Variants in OPCML observed in about 807,000 individuals in gnomAD.
OPCML encodes opioid binding protein/cell adhesion molecule like.
Under a neutral mutation model 37.8 loss-of-function variants are expected in OPCML, and 13 were observed. The ratio of observed to expected loss-of-function variants is 0.34; its 90% CI spans 0.22 to 0.55. OPCML has a LOEUF of 0.55. Among genes scored for constraint, OPCML ranks in the 20% least tolerant of loss-of-function variants. The probability of loss-of-function intolerance (pLI) is 0.91; values close to 1 mark genes in which losing one functional copy is unlikely to be tolerated. For synonymous variants in OPCML, 176 were observed against 168.8 expected (o/e 1.04, Z -0.33); for missense variants, 341 against 435.6 (o/e 0.78, Z 1.93).
intron 4 of OPCML, among the ~76,000 whole-genome samples, chr11:132,454,404 C>T (rs1230892048): frequency 6.6e-5 from 10 of 152,160 alleles, no homozygotes; most frequent in African/African-American, 2.4e-4. Context: ...GACCGATGCT[C>T]AGTGAGCCAG....
intron 1 of OPCML, among the ~76,000 whole-genome samples, chr11:132,951,323 G>T (rs568924830): frequency 6.6e-6 from 1 of 152,180 alleles, no homozygotes; most frequent in African/African-American, 2.4e-5. Context: ...GGGTGCCAGC[G>T]TGAACATGCT....
intron 2 of OPCML, among the ~76,000 whole-genome samples, chr11:132,759,005 C>G (rs1358812821): frequency 1.3e-5 from 2 of 152,104 alleles, no homozygotes; most frequent in Non-Finnish European, 2.9e-5. Flanking sequence ...GTGTTTTTAG[C>G]ATGAAAGGGG....
chr11:132,963,743 G>A (rs191005804), intron 1 of OPCML, among the ~76,000 whole-genome samples: 33 of 145,090 alleles, frequency 2.3e-4, no homozygotes, highest in African/African-American at 6.6e-4. Flanking sequence ...CTTCCTATCC[G>A]TATTACGATA....
At chr11:132,733,072 C>A (rs1945132772) in intron 2 of OPCML, among the ~76,000 whole-genome samples, 1 of 152,126 alleles carries the variant, frequency 6.6e-6, no homozygotes, top group South Asian at 2.1e-4. Context: ...CACATTATCT[C>A]AATGATATGT....
Position 132,416,001 on chromosome 11 carries a change from A to G in OPCML, c.*4192T>C, listed in dbSNP as rs2095937307. On this transcript the variant is annotated 3_prime_UTR_variant, in exon 8 of 8. Transcript: ENST00000524381. ...GCTCAAACTTATTTGTCTTCAAGTA[A>G]AAAGACAGGGAAGCTCTGAATAATA... is the stretch of plus-strand genomic sequence containing the variant. 1 of 152,620 alleles carries G rather than the reference A, an allele frequency of 6.6e-6. No homozygotes were observed. The highest frequency in any genetic ancestry group is 1.5e-5 in the Non-Finnish European group (1 of 68,040). The allele number at this position is 152,620 out of a possible 1,614,324, so 9.5% of individuals were successfully genotyped here.
In OPCML at chr11:132,452,497, ACTTCCTTCCTTCCTTC is replaced by A. The variant is rs575180796; in HGVS notation, c.506-15154_506-15139del. Among the ~76,000 whole-genome samples, 6 of 96,826 alleles carry A rather than the reference ACTTCCTTCCTTCCTTC, an allele frequency of 6.2e-5. No individual in the cohort carries two copies. In the East Asian group the frequency reaches 1.4e-3, roughly 22 times the overall value. The allele number at this position is 96,826 out of a possible 152,430, so 63.5% of individuals were successfully genotyped here. ...CCTGCCCTCCCTCCCTCCCTTCCTC[ACTTCCTTCCTTCCTTC>A]CTTCCTTCCTTCTTTCAGCCTGCCT... is the stretch of plus-strand genomic sequence containing the variant. On this transcript the variant is annotated intron_variant, in intron 4 of 7. Transcript: ENST00000524381.
intron 1 of OPCML, among the ~76,000 whole-genome samples, chr11:133,458,709 GCA>G (rs1377090722): frequency 4.5e-5 from 5 of 110,760 alleles, no homozygotes; most frequent in Non-Finnish European, 7.3e-5. Context: ...ACACATAGAT[GCA>G]CGTGTGTGTA....
intron 3 of OPCML, among the ~76,000 whole-genome samples, chr11:132,575,922 G>C (rs992161867): frequency 1.3e-5 from 2 of 151,978 alleles, no homozygotes; most frequent in African/African-American, 2.4e-5. Flanking sequence ...TAGTAATCTT[G>C]ATTGGTAGTT....
chr11:133,354,849 A>G (rs1048922039), intron 1 of OPCML, among the ~76,000 whole-genome samples: 1 of 152,246 alleles, frequency 6.6e-6, no homozygotes, highest in African/African-American at 2.4e-5. Context: ...AATAAAAATG[A>G]CATTACATGC....
intron 1 of OPCML, among the ~76,000 whole-genome samples, chr11:133,362,708 G>C (rs552351081): frequency 1.3e-5 from 2 of 152,172 alleles, no homozygotes; most frequent in Admixed American, 1.3e-4. Context: ...CCTTAGGCTG[G>C]GAATCCAGAA....
rs1382418947 is a variant in OPCML at position 133,208,306 on chromosome 11, C to G, written c.62-265296G>C. Among the ~76,000 whole-genome samples, 1 of 152,126 alleles carries G rather than the reference C, an allele frequency of 6.6e-6. No homozygotes were observed. The highest frequency in any genetic ancestry group is 1.5e-5 in the Non-Finnish European group (1 of 68,022). On this transcript the variant is annotated intron_variant, in intron 1 of 7. Transcript: ENST00000524381. This position sits in a 1 kb window ranked among gnomAD's most constrained non-coding sequence, Gnocchi z 8.9. ...TACCAGTGAGTGAATGAATGCGGGA[C>G]AGAAGCCTACACTACCGTGTGTTCT... is the stretch of plus-strand genomic sequence containing the variant.
chr11:133,353,917 A>G (rs1292129384), intron 1 of OPCML, among the ~76,000 whole-genome samples: 1 of 152,168 alleles, frequency 6.6e-6, no homozygotes, highest in Non-Finnish European at 1.5e-5. Context: ...AAAAGAAAAA[A>G]TATATATCCC....
At chr11:132,576,359 A>G (rs1297173312) in intron 3 of OPCML, among the ~76,000 whole-genome samples, 1 of 150,024 alleles carries the variant, frequency 6.7e-6, no homozygotes, top group African/African-American at 2.4e-5. Context: ...AGTCATTTCC[A>G]ATGACTTGTC....
intron 1 of OPCML, among the ~76,000 whole-genome samples, chr11:133,111,529 T>C (rs1028418004): frequency 6.6e-6 from 1 of 152,182 alleles, no homozygotes; most frequent in African/African-American, 2.4e-5. Flanking sequence ...GTTCTATTGG[T>C]TTCAACAGCT....
At chr11:132,803,574 C>A (rs1485654290) in intron 2 of OPCML, among the ~76,000 whole-genome samples, 1 of 152,118 alleles carries the variant, frequency 6.6e-6, no homozygotes, top group Non-Finnish European at 1.5e-5. Context: ...GCCTAAAGCC[C>A]AAACTCACTA....
chr11:133,346,626 C>A lies in OPCML; in HGVS notation c.61+185638G>T, dbSNP rs138506122. ...ATAGCCAGCATAGATTAGACAGGCA[C>A]TTGAAGCATATCCATTTTCAAGTAA... is the stretch of plus-strand genomic sequence containing the variant. On this transcript the variant is annotated intron_variant, in intron 1 of 7. Transcript: ENST00000524381. 9.0e-4 allele frequency among the ~76,000 whole-genome samples: 137 copies of A among 152,282 alleles called. 1 individual carries two copies. The highest frequency in any genetic ancestry group is 3.0e-3 in the African/African-American group (123 of 41,556).
At chr11:132,938,202 T>A (rs536276016) in intron 2 of OPCML, among the ~76,000 whole-genome samples, 3 of 152,094 alleles carry the variant, frequency 2.0e-5, no homozygotes, top group East Asian at 3.9e-4. Flanking sequence ...ATCTTTAGTA[T>A]CCACCACAGT....
chr11:132,915,437 T>C (rs1310770494), intron 2 of OPCML, among the ~76,000 whole-genome samples: 1 of 152,232 alleles, frequency 6.6e-6, no homozygotes, highest in Non-Finnish European at 1.5e-5. Context: ...TTCCACAGCC[T>C]TGCCCAGCCA....
intron 3 of OPCML, among the ~76,000 whole-genome samples, chr11:132,641,841 C>A (rs1451703453): frequency 6.6e-6 from 1 of 152,160 alleles, no homozygotes; most frequent in Non-Finnish European, 1.5e-5. Context: ...TTTGCCTTCT[C>A]CAATTCTGTG....
Sources: allele counts gnomAD v4.1 joint callset (sites outside exome capture counted in the v4.1 genomes callset), GRCh38; gene constraint gnomAD v4.1.1; non-coding constraint Gnocchi (gnomAD v3.1); transcripts MANE v1.5; gene names NCBI Gene and HGNC (gene_info 2026-07-23, HGNC 2026-07-21).